HYDIN: variants seen among roughly 807,000 people sequenced by gnomAD.
HYDIN encodes the protein axonemal central pair apparatus protein HYDIN.
A neutral mutation model predicts 403.9 loss-of-function variants in HYDIN; 132 were observed. That is an observed-to-expected ratio of 0.33 (90% CI 0.28 to 0.38). The LOEUF is 0.38. Among genes scored for constraint, HYDIN ranks in the 10% least tolerant of loss-of-function variants. The pLI is 1.00. For missense variants in HYDIN, 2,827 were observed against 5,009.5 expected, an observed-to-expected ratio of 0.56 and a Z score of 13.15; for synonymous variants, 1,202 against 1,891.7, an observed-to-expected ratio of 0.64 and a Z score of 9.46.
Position 70,938,684 on chromosome 16 carries a change from C to T in HYDIN, c.6925G>A (p.Ala2309Thr), listed in dbSNP as rs774040513. 2.6e-5 allele frequency: 42 copies of T among 1,612,994 alleles called. No individual in the cohort carries two copies. The highest frequency in any genetic ancestry group is 3.5e-5 in the Non-Finnish European group (41 of 1,179,160). ...GTGAGTTTCTCCTCCTCAGTCAGGG[C>T]ATCATATTCTTCCTCATCCATGTTT... ...LQNMDEEEYD[A>T]LTEEEKLTFD... Residue 2309 changes from alanine to threonine, a missense_variant, in exon 44 of 86, where the codon GCC (alanine) becomes ACC (threonine). Coordinates refer to ENST00000393567, the MANE Select transcript of HYDIN (RefSeq NM_001270974.2).
intron 42 of HYDIN, among the ~76,000 whole-genome samples, 197 bp from the exon 43 acceptor site, chr16:70,942,016 T>C (rs1166971572): frequency 2.8e-5 from 4 of 141,660 alleles, no homozygotes; most frequent in Non-Finnish European, 6.2e-5. Flanking sequence ...CCAGTCTTTT[T>C]TTTTTTTTTT....
intron 84 of HYDIN, among the ~76,000 whole-genome samples, chr16:70,811,626 G>C (rs2035508157): frequency 6.7e-6 from 1 of 150,148 alleles, no homozygotes; most frequent in Non-Finnish European, 1.5e-5. Flanking sequence ...GGGAGGCCAA[G>C]GCAGGCGGAT....
At chr16:71,012,827 T>C (rs968471529) in intron 23 of HYDIN, among the ~76,000 whole-genome samples, 1 of 151,428 alleles carries the variant, frequency 6.6e-6, no homozygotes, top group African/African-American at 2.4e-5. Context: ...ACAGAGACAG[T>C]CTGTCTGGAA....
At chr16:71,169,173 C>A (rs953331720) in intron 5 of HYDIN, among the ~76,000 whole-genome samples, 4 of 152,112 alleles carry the variant, frequency 2.6e-5, no homozygotes, top group African/African-American at 9.7e-5. Context: ...TGCCTGTAAT[C>A]CTAGTACTTT....
At chr16:71,156,887 TAAC>T (rs990678874) in intron 6 of HYDIN, among the ~76,000 whole-genome samples, 7 of 152,270 alleles carry the variant, frequency 4.6e-5, no homozygotes, top group African/African-American at 1.7e-4. Flanking sequence ...AGGTCAAATT[TAAC>T]AATAATTGCT....
Position 71,158,718 on chromosome 16 carries a change from G to A in HYDIN, c.716+3813C>T, listed in dbSNP as rs1256891856. Among the ~76,000 whole-genome samples the A allele has an allele frequency of 2.0e-4, 24 of 120,268 alleles. No homozygotes were observed. In the Admixed American group the frequency reaches 2.4e-3, roughly 12 times the overall value. The allele number at this position is 120,268 out of a possible 152,430, so 78.9% of individuals were successfully genotyped here. ...TTTTTTTGAGACATGGTTTTTCTCT[G>A]TCACCCAGGCTGGAGTGCAGTGGCA... On this transcript the variant is annotated intron_variant, in intron 6 of 85. Transcript: ENST00000393567.
chr16:71,112,796 G>C (rs1414182596), intron 10 of HYDIN, among the ~76,000 whole-genome samples: 1 of 152,174 alleles, frequency 6.6e-6, no homozygotes. Context: ...AAGGCTAGTG[G>C]ACTAGTCGGG....
rs533680979 is a variant in HYDIN, at chr16:70,872,177, C to T, written c.10951G>A (p.Ala3651Thr). 7.1e-7 allele frequency: 1 copy of T among 1,417,274 alleles called. No homozygotes were observed. The allele number at this position is 1,417,274 out of a possible 1,614,324, so 87.8% of individuals were successfully genotyped here. ...CCAAATTGGATGTGGTCCACCAGAG[C>T]AGCTAGGGATTAGAAGCAGAAGGCT... ...DNDMEDLVAA[A>T]LVDHIQFGDC... Residue 3651 changes from alanine (A) to threonine (T), a missense_variant and splice_region_variant, in exon 65 of 86, where the codon GCT (alanine) becomes ACT (threonine). By Grantham distance (58) the Ala-to-Thr change is moderately conservative. Transcript: ENST00000393567.
chr16:71,062,608 T>A (rs1349673598), intron 16 of HYDIN: 2 of 298,842 alleles, frequency 6.7e-6, no homozygotes, highest in African/African-American at 4.4e-5. Context: ...CCACTTTCCT[T>A]AGGAAAAGGA....
At chr16:71,197,390 C>T (rs1026437486) in intron 1 of HYDIN, among the ~76,000 whole-genome samples, 1 of 152,202 alleles carries the variant, frequency 6.6e-6, no homozygotes, top group Non-Finnish European at 1.5e-5. Context: ...GAATTTTGAC[C>T]TTGACTCTGC....
intron 13 of HYDIN, among the ~76,000 whole-genome samples, chr16:71,075,103 T>C (rs145150303): frequency 1.3e-5 from 2 of 148,280 alleles, no homozygotes; most frequent in Non-Finnish European, 3.0e-5. Flanking sequence ...AAAAGATAAC[T>C]TGGGTTTTGA....
At chr16:70,878,554 T>G (rs2040585548) in intron 62 of HYDIN, among the ~76,000 whole-genome samples, 1 of 147,700 alleles carries the variant, frequency 6.8e-6, no homozygotes, top group Admixed American at 6.7e-5. Flanking sequence ...GCTCCATTAC[T>G]GTATCCTTTC....
chr16:71,217,593 T>C (rs1222641333), intron 1 of HYDIN, among the ~76,000 whole-genome samples: 1 of 152,164 alleles, frequency 6.6e-6, no homozygotes, highest in Non-Finnish European at 1.5e-5. Flanking sequence ...CCTATGCAGA[T>C]GAGAAGTTGA....
At chr16:70,977,875 A>G (rs965424232) in intron 30 of HYDIN, among the ~76,000 whole-genome samples, 1 of 151,554 alleles carries the variant, frequency 6.6e-6, no homozygotes, top group Non-Finnish European at 1.5e-5. Context: ...CCCCACTCAG[A>G]TGCTGGGGTA....
intron 53 of HYDIN, among the ~76,000 whole-genome samples, 158 bp downstream of exon 53, chr16:70,900,846 C>G (rs2076351261): frequency 7.8e-6 from 1 of 128,238 alleles, no homozygotes; most frequent in Non-Finnish European, 1.6e-5. Flanking sequence ...CAGTTGTGTG[C>G]ACAGCAAGAG....
intron 4 of HYDIN, 46 bp from the exon 5 acceptor site, chr16:71,175,787 A>C: frequency 6.2e-7 from 1 of 1,601,538 alleles, no homozygotes; most frequent in Non-Finnish European, 8.6e-7. Context: ...GTGAAAAAGC[A>C]GAGTTAAACA....
chr16:71,041,895 C>T (rs4788508), intron 18 of HYDIN, among the ~76,000 whole-genome samples: 1 of 152,200 alleles, frequency 6.6e-6, no homozygotes, highest in African/African-American at 2.4e-5. Context: ...TGCTCTCTTG[C>T]TGCAGTCTCA....
chr16:71,150,159 A>AC (rs2085483030), intron 7 of HYDIN, among the ~76,000 whole-genome samples: 1 of 152,118 alleles, frequency 6.6e-6, no homozygotes, highest in East Asian at 1.9e-4. Context: ...GATACAAAAT[A>AC]TAAAAAAACC....
At chr16:70,842,046 A>C (rs1033747245) in intron 75 of HYDIN, among the ~76,000 whole-genome samples, 3 of 150,780 alleles carry the variant, frequency 2.0e-5, no homozygotes, top group Non-Finnish European at 2.9e-5. Flanking sequence ...TTGTGGTTGA[A>C]GAACATACTT....
Sources: gnomAD v4.1 joint callset for allele counts (sites outside exome capture counted in the v4.1 genomes callset) on GRCh38, gnomAD v4.1.1 for gene constraint, MANE v1.5 for transcripts, NCBI Gene and HGNC (gene_info 2026-07-23, HGNC 2026-07-21) for gene names.